The following CDH18 variants were observed in gnomAD, a reference collection of about 807,000 sequenced individuals.
CDH18 encodes cadherin-18.
A neutral mutation model predicts 67.9 loss-of-function variants in CDH18; 31 were observed. The observed-to-expected ratio is 0.46, with a 90% confidence interval of 0.34 to 0.62. The LOEUF (loss-of-function observed/expected upper bound fraction) is 0.62. Among genes scored for constraint, CDH18 ranks in the 20% least tolerant of loss-of-function variants. The probability of loss-of-function intolerance (pLI) is 0.01; values close to 1 mark genes in which losing one functional copy is unlikely to be tolerated. For synonymous variants in CDH18, 362 were observed against 347.2 expected (o/e 1.04, Z -0.48); for missense variants, 890 against 975.5 (o/e 0.91, Z 1.17).
At chr5:20,431,503 AAAAG>A (rs1291254316) in intron 1 of CDH18, among the ~76,000 whole-genome samples, 5 of 146,162 alleles carry the variant, frequency 3.4e-5, no homozygotes, top group African/African-American at 1.2e-4. Context: ...AAAAAAAAAA[AAAAG>A]AAGAAGAAAA....
intron 2 of CDH18, among the ~76,000 whole-genome samples, chr5:20,223,794 G>C (rs908879227): frequency 1.3e-5 from 2 of 152,026 alleles, no homozygotes; most frequent in Non-Finnish European, 2.9e-5. Flanking sequence ...GGGAACTTGT[G>C]TTCTCTCTTG....
upstream of CDH18, among the ~76,000 whole-genome samples, chr5:19,988,637 C>T (rs1311004759): frequency 2.6e-5 from 4 of 151,952 alleles, no homozygotes; most frequent in African/African-American, 9.7e-5. Context: ...GTTTGACTGT[C>T]AGATGGAGTG....
At chr5:19,527,662 T>C (rs1427048080) in intron 9 of CDH18, among the ~76,000 whole-genome samples, 2 of 151,914 alleles carry the variant, frequency 1.3e-5, no homozygotes, top group Non-Finnish European at 1.5e-5. Context: ...GGAAGGAGCA[T>C]AACACGTGTA....
chr5:20,419,875 G>A (rs1747719573), intron 1 of CDH18, among the ~76,000 whole-genome samples: 1 of 150,316 alleles, frequency 6.7e-6, no homozygotes, highest in Non-Finnish European at 1.5e-5. Flanking sequence ...CATGATTTAT[G>A]TTTTATATTC....
At chr5:20,334,857 C>A (rs765909649) in intron 1 of CDH18, among the ~76,000 whole-genome samples, 1 of 151,834 alleles carries the variant, frequency 6.6e-6, no homozygotes, top group Non-Finnish European at 1.5e-5. Context: ...CTCCAGACTC[C>A]TCTCTTTTTC....
chr5:19,842,182 C>G (rs1296357817), intron 2 of CDH18, among the ~76,000 whole-genome samples: 2 of 152,198 alleles, frequency 1.3e-5, no homozygotes, highest in South Asian at 2.1e-4. Flanking sequence ...TTTCATGGAA[C>G]ATTCCAATAT....
chr5:20,377,758 G>A (rs1426183642), intron 1 of CDH18, among the ~76,000 whole-genome samples: 1 of 151,854 alleles, frequency 6.6e-6, no homozygotes, highest in African/African-American at 2.4e-5. Flanking sequence ...AATTTATATG[G>A]GGGAAATTAA....
In CDH18 at chr5:19,993,521, G is replaced by C. The variant is rs1800095503; in HGVS notation, c.-517-1507C>G. ...AGCCTCACCAGATTGCATTCATTCAGTTGACAAAGCTGATACCATCTCTAA... is the reference window on the plus strand; with the variant it reads ...AGCCTCACCAGATTGCATTCATTCACTTGACAAAGCTGATACCATCTCTAA... On this transcript the variant is annotated intron_variant, in intron 2 of 14. Coordinates refer to the CDH18 transcript ENST00000507958. Among the ~76,000 whole-genome samples the C allele has an allele frequency of 2.0e-5, 3 of 152,118 alleles. No homozygotes were observed. The South Asian group carries it at 6.2e-4, about 32-fold the overall frequency.
At chr5:19,864,193 C>T (rs1322434549) in intron 2 of CDH18, among the ~76,000 whole-genome samples, 2 of 150,122 alleles carry the variant, frequency 1.3e-5, no homozygotes, top group African/African-American at 4.9e-5. Context: ...GAATACTATG[C>T]AGCCATAAAA....
chr5:19,993,601 C>A (rs769034789), intron 2 of CDH18, among the ~76,000 whole-genome samples: 52 of 152,014 alleles, frequency 3.4e-4, no homozygotes, highest in Non-Finnish European at 6.9e-4. Context: ...TTTTCTGTAG[C>A]ACACACATAT....
At chr5:20,254,372 A>C (rs890593351) in intron 2 of CDH18, among the ~76,000 whole-genome samples, 7 of 152,172 alleles carry the variant, frequency 4.6e-5, no homozygotes, top group African/African-American at 9.7e-5. Flanking sequence ...TCATCCTCCT[A>C]AAGTTGGGAT....
intron 2 of CDH18, among the ~76,000 whole-genome samples, chr5:20,141,238 A>G (rs1342321228): frequency 1.3e-5 from 2 of 152,170 alleles, no homozygotes; most frequent in Non-Finnish European, 2.9e-5. Flanking sequence ...CATCTAAAAG[A>G]TATCTTGATA....
intron 3 of CDH18, among the ~76,000 whole-genome samples, chr5:19,774,199 C>A (rs1041394915): frequency 2.6e-5 from 4 of 151,944 alleles, no homozygotes; most frequent in Non-Finnish European, 5.9e-5. Context: ...GGCAGAAATA[C>A]CTGGGTGGCA....
rs575526375 is a variant in CDH18, at chr5:19,914,183, C to T, written c.-257+66877G>A. 1.8e-4 allele frequency among the ~76,000 whole-genome samples: 27 copies of T among 152,074 alleles called. No homozygotes were observed. The South Asian group carries it at 5.2e-3, about 29-fold the overall frequency. ...TAGGATACATATGTGTTGTTTGATA[C>T]AAAATTTAATAGTGTCTTATATGCA... On this transcript the variant is annotated intron_variant, in intron 2 of 12. Coordinates refer to ENST00000382275, the MANE Select transcript of CDH18 (RefSeq NM_004934.5).
intron 1 of CDH18, among the ~76,000 whole-genome samples, chr5:20,494,322 A>G (rs1753777939): frequency 6.6e-6 from 1 of 152,156 alleles, no homozygotes; most frequent in Admixed American, 6.6e-5. Flanking sequence ...ATAAAGGCAG[A>G]GAGGGATAAG....
At chr5:19,623,392 T>G (rs1750997150) in intron 5 of CDH18, among the ~76,000 whole-genome samples, 1 of 152,182 alleles carries the variant, frequency 6.6e-6, no homozygotes, top group African/African-American at 2.4e-5. Flanking sequence ...ATTAGAAAGA[T>G]AACTAAAAAC....
intron 1 of CDH18, among the ~76,000 whole-genome samples, chr5:20,451,607 T>G (rs1411844989): frequency 2.0e-5 from 3 of 152,198 alleles, no homozygotes; most frequent in Non-Finnish European, 4.4e-5. Flanking sequence ...GTGATTTCCC[T>G]CATTAAGTGT....
At chr5:20,315,426 T>G (rs535664953) in intron 1 of CDH18, among the ~76,000 whole-genome samples, 1 of 152,226 alleles carries the variant, frequency 6.6e-6, no homozygotes, top group Non-Finnish European at 1.5e-5. Context: ...AGTGACATTA[T>G]TGTATTCTCT....
At chr5:19,546,001 G>A (rs1184974580) in intron 8 of CDH18, among the ~76,000 whole-genome samples, 1 of 152,158 alleles carries the variant, frequency 6.6e-6, no homozygotes, top group Non-Finnish European at 1.5e-5. Flanking sequence ...CGGAGATGGT[G>A]ACAGCCAAAG....
Sources: allele counts gnomAD v4.1 joint callset (sites outside exome capture counted in the v4.1 genomes callset), GRCh38; gene constraint gnomAD v4.1.1; transcripts MANE v1.5; gene names NCBI Gene and HGNC (gene_info 2026-07-23, HGNC 2026-07-21).